CHST3: variants seen among roughly 807,000 people sequenced by gnomAD.
CHST3 encodes C6ST-1.
Under a neutral mutation model 35.4 loss-of-function variants are expected in CHST3, and 20 were observed. That is an observed-to-expected ratio of 0.57 (90% confidence interval 0.40 to 0.82). CHST3 has a LOEUF of 0.82. Ranked by LOEUF, CHST3 falls within the 40% of genes least tolerant of loss-of-function variation. The pLI is 0.00. For synonymous variants in CHST3, 334 were observed against 295.9 expected (o/e 1.13, Z -1.32); for missense variants, 693 against 670.1 (o/e 1.03, Z -0.38).
rs1246222822 is a variant in CHST3 at position 72,010,602 on chromosome 10, C to A, written c.*2131C>A. 1 of 152,040 alleles carries A rather than the reference C, an allele frequency of 6.6e-6. No individual in the cohort carries two copies. The highest frequency in any genetic ancestry group is 1.5e-5 in the Non-Finnish European group (1 of 68,002). The allele number at this position is 152,040 out of a possible 1,614,324, so 9.4% of individuals were successfully genotyped here. On this transcript the variant is annotated 3_prime_UTR_variant, in exon 3 of 3. Transcript: ENST00000373115. The stretch of plus-strand genomic sequence containing the variant: ...TCCACTCTTGGGTTTTTTTTATTTT[C>A]TTTTCTTTTGCTATTTTGCCTGAAC...
chr10:72,002,873 C>T (rs1840006572), intron 1 of CHST3, among the ~76,000 whole-genome samples: 1 of 152,224 alleles, frequency 6.6e-6, no homozygotes, highest in Non-Finnish European at 1.5e-5. Context: ...GACAGCTGGT[C>T]TGTGCCAAGT....
intron 1 of CHST3, among the ~76,000 whole-genome samples, chr10:72,002,298 A>T (rs4148936): frequency 0.43 from 65,101 of 152,096 alleles, 14,314 homozygotes; most frequent in Non-Finnish European, 0.48. Context: ...AACTTAAAAA[A>T]AGAAATAGTC....
chr10:71,991,830 A>C (rs1332562504), intron 1 of CHST3, among the ~76,000 whole-genome samples: 2 of 152,048 alleles, frequency 1.3e-5, no homozygotes, highest in Non-Finnish European at 2.9e-5. Context: ...GCTACTCGGG[A>C]GGCTGAGGCA....
chr10:71,988,302 T>C (rs1839868493), intron 1 of CHST3, among the ~76,000 whole-genome samples: 1 of 152,216 alleles, frequency 6.6e-6, no homozygotes, highest in Non-Finnish European at 1.5e-5. Context: ...ACATGGCACA[T>C]GTGCCAGCCC....
intron 1 of CHST3, among the ~76,000 whole-genome samples, chr10:71,967,453 G>T (rs556521629): frequency 6.6e-6 from 1 of 152,180 alleles, no homozygotes; most frequent in Non-Finnish European, 1.5e-5. Flanking sequence ...GTGTTAGTTT[G>T]CTTAGGATAA....
At chr10:71,978,387 G>T (rs1468237031) in intron 1 of CHST3, among the ~76,000 whole-genome samples, 1 of 151,474 alleles carries the variant, frequency 6.6e-6, no homozygotes, top group Non-Finnish European at 1.5e-5. Flanking sequence ...AAAACAAAGT[G>T]GCTCAGCTGG....
At chr10:71,987,648 G>A (rs750607880) in intron 1 of CHST3, among the ~76,000 whole-genome samples, 7 of 149,508 alleles carry the variant, frequency 4.7e-5, no homozygotes, top group East Asian at 2.0e-4. Flanking sequence ...CCCGGGAGGC[G>A]GAGGTTGCGT....
At position 72,007,454 on chromosome 10, in the gene CHST3, G is replaced by A. The variant is rs376107245; in HGVS notation, c.423G>A (p.Thr141=). 1.9e-4 allele frequency: 310 copies of A among 1,603,114 alleles called. No individual in the cohort carries two copies. Among genetic ancestry groups the A allele is most frequent in the Non-Finnish European group, 2.3e-4 (277 of 1,179,672 alleles). ...PRRHVLLMAT[T]RTGSSFVGEF... ...GCCACGTGCTGCTCATGGCCACCACGCGCACCGGCTCCTCGTTCGTGGGCG... is the reference window on the plus strand; with the variant it reads ...GCCACGTGCTGCTCATGGCCACCACACGCACCGGCTCCTCGTTCGTGGGCG... Residue 141 remains threonine, a synonymous_variant, in exon 3 of 3, where the codon ACG becomes ACA. Transcript: ENST00000373115.
intron 1 of CHST3, among the ~76,000 whole-genome samples, chr10:71,991,709 G>T (rs953574646): frequency 6.6e-6 from 1 of 152,144 alleles, no homozygotes; most frequent in African/African-American, 2.4e-5. Flanking sequence ...AAGTCAGGCG[G>T]ATCACCTGAG....
chr10:71,980,002 T>C (rs935228035), intron 1 of CHST3, among the ~76,000 whole-genome samples: 4 of 152,200 alleles, frequency 2.6e-5, no homozygotes, highest in African/African-American at 9.7e-5. Flanking sequence ...GAAACAGTCC[T>C]TCCCTTCTGT....
intron 1 of CHST3, among the ~76,000 whole-genome samples, chr10:71,986,586 G>A (rs376511240): frequency 1.3e-4 from 20 of 152,304 alleles, no homozygotes; most frequent in African/African-American, 4.8e-4. Context: ...CTGAGAAACC[G>A]TTTGGCCATG....
At chr10:71,980,196 C>G (rs1397266721) in intron 1 of CHST3, among the ~76,000 whole-genome samples, 1 of 152,188 alleles carries the variant, frequency 6.6e-6, no homozygotes, top group East Asian at 1.9e-4. Flanking sequence ...GACACCCACA[C>G]ATAACTGAAA....
rs1418608063 is a variant in CHST3, at chr10:72,010,228, C to T, written c.*1757C>T. ...GTGTACCCAGAGTAGAAGGCCTTCC[C>T]CACTCCCACCTCAAACCCAGGAGCA... On this transcript the variant is annotated 3_prime_UTR_variant, in exon 3 of 3. Transcript: ENST00000373115. 6.6e-6 allele frequency: 1 copy of T among 152,248 alleles called. No homozygotes were observed. Among genetic ancestry groups the T allele is most frequent in the Non-Finnish European group, 1.5e-5 (1 of 68,106 alleles). The allele number at this position is 152,248 out of a possible 1,614,324, so 9.4% of individuals were successfully genotyped here.
rs1239514405 is a variant in CHST3, at chr10:72,012,344, T to C, written c.*3873T>C. The C allele has an allele frequency of 6.6e-6, 1 of 152,238 alleles. No individual in the cohort carries two copies. Among genetic ancestry groups the C allele is most frequent in the African/African-American group, 2.4e-5 (1 of 41,442 alleles). The allele number at this position is 152,238 out of a possible 1,614,324, so 9.4% of individuals were successfully genotyped here. A position where few individuals can be genotyped will look rare whatever the true frequency, so the allele number is the denominator to read the frequency against. The stretch of plus-strand genomic sequence containing the variant: ...TCCAGCCCCGGGTCATCCTCTCCTA[T>C]ACTAGGGCCTATTGACCGTAGAGGC... On this transcript the variant is annotated 3_prime_UTR_variant, in exon 3 of 3. Coordinates refer to ENST00000373115, the MANE Select transcript of CHST3 (RefSeq NM_004273.5).
chr10:71,967,183 G>T (rs1330721612), intron 1 of CHST3, among the ~76,000 whole-genome samples: 1 of 152,064 alleles, frequency 6.6e-6, no homozygotes, highest in Non-Finnish European at 1.5e-5. Context: ...GTAGAGACAG[G>T]GTTTTACCAT....
At chr10:71,983,395 G>A (rs1019041972) in intron 1 of CHST3, among the ~76,000 whole-genome samples, 29 of 246 alleles carry the variant, frequency 0.12, no homozygotes, top group African/African-American at 0.29. Flanking sequence ...AGCCAGCAGT[G>A]GCCCTGGTGC....
chr10:72,001,038 T>G (rs1348914180), intron 1 of CHST3, among the ~76,000 whole-genome samples: 1 of 152,024 alleles, frequency 6.6e-6, no homozygotes, highest in African/African-American at 2.4e-5. Context: ...ATGAGACAGC[T>G]GGGAGGTGGC....
chr10:72,008,460 T>C lies in CHST3; in HGVS notation c.1429T>C (p.Trp477Arg). Reference sequence around the variant, plus strand: ...CCTGCTGGAGGAGAGGGGCACCTTCTGGGTCACGTAGGGGGGCCGGGGCCC... The same window carrying C: ...CCTGCTGGAGGAGAGGGGCACCTTCCGGGTCACGTAGGGGGGCCGGGGCCC... Reference protein sequence around the residue: ...VSLLEERGTFWVT With the variant: ...VSLLEERGTFRVT The change falls in exon 3 of 3, where the codon TGG becomes CGG. Residue 477 changes from tryptophan to arginine, a missense_variant. Trp to Arg is a moderately radical substitution (Grantham distance 101). Coordinates refer to ENST00000373115, the MANE Select transcript of CHST3 (RefSeq NM_004273.5). 1 of 1,553,098 alleles carries C rather than the reference T, an allele frequency of 6.4e-7. No individual in the cohort carries two copies. The highest frequency in any genetic ancestry group is 1.4e-5 in the African/African-American group (1 of 73,756).
intron 1 of CHST3, among the ~76,000 whole-genome samples, chr10:72,001,044 G>C (rs866696273): frequency 2.3e-4 from 35 of 152,264 alleles, no homozygotes; most frequent in Non-Finnish European, 2.6e-4. Context: ...CAGCTGGGAG[G>C]TGGCAGGCAG....
Sources: allele counts gnomAD v4.1 joint callset (sites outside exome capture counted in the v4.1 genomes callset), GRCh38; gene constraint gnomAD v4.1.1; transcripts MANE v1.5; gene names NCBI Gene and HGNC (gene_info 2026-07-23, HGNC 2026-07-21).